ASTN2: variants seen among roughly 807,000 people sequenced by gnomAD.
The protein encoded by ASTN2 is astrotactin 2.
In ASTN2, 54 loss-of-function variants were observed where a neutral mutation model predicts 139.8. The observed-to-expected ratio is 0.39, with a 90% CI of 0.31 to 0.48. The LOEUF is 0.48. Ranked by LOEUF, ASTN2 falls within the 20% of genes least tolerant of loss-of-function variation. The pLI, the probability that ASTN2 is intolerant of heterozygous loss-of-function variation, is 0.95. For synonymous variants in ASTN2, 756 were observed against 719.5 expected, an observed-to-expected ratio of 1.05 and a Z score of -0.81; for missense variants, 1,565 against 1,725.1, an observed-to-expected ratio of 0.91 and a Z score of 1.64.
chr9:116,638,425 G>C (rs1006092197), intron 17 of ASTN2, among the ~76,000 whole-genome samples: 1 of 152,060 alleles, frequency 6.6e-6, no homozygotes, highest in Admixed American at 6.6e-5. Context: ...CTTGATGAAA[G>C]ATGTGACCAG....
At chr9:116,881,616 T>C (rs1054800758) in intron 10 of ASTN2, among the ~76,000 whole-genome samples, 1 of 152,246 alleles carries the variant, frequency 6.6e-6, no homozygotes, top group Non-Finnish European at 1.5e-5. Context: ...GTAAATTCCC[T>C]TTTACTGCAC....
intron 19 of ASTN2, among the ~76,000 whole-genome samples, chr9:116,546,937 C>T (rs969145867): frequency 3.9e-5 from 6 of 152,136 alleles, no homozygotes; most frequent in East Asian, 1.9e-4. Context: ...CCCAGCTGCC[C>T]GCAGCTTCTA....
chr9:116,981,391 G>T (rs932468772), intron 7 of ASTN2, among the ~76,000 whole-genome samples: 2 of 152,182 alleles, frequency 1.3e-5, no homozygotes, highest in Non-Finnish European at 2.9e-5. Context: ...TCCAAGATAG[G>T]TATTTGCCAA....
intron 13 of ASTN2, among the ~76,000 whole-genome samples, chr9:116,764,178 G>A (rs1014460279): frequency 6.6e-6 from 1 of 152,176 alleles, no homozygotes; most frequent in Non-Finnish European, 1.5e-5. Flanking sequence ...CCCTTCAAGC[G>A]GGGACTGGTC....
chr9:116,885,201 A>G (rs1230713110), intron 10 of ASTN2, among the ~76,000 whole-genome samples: 1 of 152,144 alleles, frequency 6.6e-6, no homozygotes, highest in African/African-American at 2.4e-5. Flanking sequence ...ATGTTCAATT[A>G]GCTAGAAGAG....
chr9:117,040,299 T>A (rs1481844310), intron 5 of ASTN2, among the ~76,000 whole-genome samples: 2 of 152,180 alleles, frequency 1.3e-5, no homozygotes. Context: ...AAGCCCTCCA[T>A]TCTCCTTAGA....
intron 20 of ASTN2, among the ~76,000 whole-genome samples, chr9:116,465,416 G>T (rs1848621474): frequency 6.6e-6 from 1 of 152,168 alleles, no homozygotes; most frequent in Admixed American, 6.6e-5. Context: ...CCTCGCCACG[G>T]CTGGACAAGC....
intron 3 of ASTN2, among the ~76,000 whole-genome samples, chr9:117,204,021 G>A (rs1254246143): frequency 3.3e-5 from 5 of 152,176 alleles, no homozygotes; most frequent in Non-Finnish European, 7.3e-5. Flanking sequence ...CAGGTCCAGG[G>A]AGATCTGAAT....
At chr9:117,300,119 T>C (rs1342392015) in intron 1 of ASTN2, among the ~76,000 whole-genome samples, 5 of 152,224 alleles carry the variant, frequency 3.3e-5, no homozygotes, top group African/African-American at 1.2e-4. Flanking sequence ...ACTTCATCCA[T>C]CAATATACCT....
At chr9:116,426,164 A>G in intron 22 of ASTN2, 76 bp from the exon 23 acceptor site, 1 of 1,559,718 alleles carries the variant, frequency 6.4e-7, no homozygotes, top group Non-Finnish European at 8.7e-7. Flanking sequence ...GTAAATGTCA[A>G]CAAACAAATG....
At chr9:117,039,988 A>G (rs1480677935) in intron 5 of ASTN2, 23 bp from the exon 6 acceptor site, 3 of 1,588,832 alleles carry the variant, frequency 1.9e-6, no homozygotes, top group Non-Finnish European at 8.6e-7. Flanking sequence ...ACATACACAA[A>G]GACACAAAAT....
chr9:116,775,742 A>G, intron 13 of ASTN2, among the ~76,000 whole-genome samples: 1 of 117,814 alleles, frequency 8.5e-6, no homozygotes, highest in Non-Finnish European at 1.7e-5. Context: ...AGGGGAAGGG[A>G]GGAAGGAAGG....
chr9:116,615,275 T>C (rs1431892723), intron 19 of ASTN2, among the ~76,000 whole-genome samples: 5 of 152,166 alleles, frequency 3.3e-5, no homozygotes, highest in African/African-American at 1.2e-4. Context: ...ACACTGTTGG[T>C]GGGAACGTAA....
intron 3 of ASTN2, among the ~76,000 whole-genome samples, chr9:117,168,608 C>T (rs778278750): frequency 2.0e-5 from 3 of 152,090 alleles, no homozygotes; most frequent in Non-Finnish European, 2.9e-5. Context: ...CACCGATTTC[C>T]AGACACATAT....
intron 19 of ASTN2, among the ~76,000 whole-genome samples, chr9:116,498,408 G>A (rs1015614680): frequency 2.0e-5 from 3 of 149,786 alleles, no homozygotes; most frequent in African/African-American, 7.5e-5. Context: ...AGCATAGCAA[G>A]ACCCCATCTC....
intron 10 of ASTN2, among the ~76,000 whole-genome samples, chr9:116,942,104 A>ACACACAC (rs1194869131): frequency 7.2e-6 from 1 of 139,852 alleles, no homozygotes; most frequent in Non-Finnish European, 1.5e-5. Context: ...ACACACACAC[A>ACACACAC]CACACACACA....
At chr9:117,138,946 T>C (rs1830012282) in intron 4 of ASTN2, among the ~76,000 whole-genome samples, 1 of 152,174 alleles carries the variant, frequency 6.6e-6, no homozygotes, top group South Asian at 2.1e-4. Context: ...AGTAGGGGCT[T>C]AGTTAAGAAA....
At chr9:116,735,186 T>G (rs1828894057) in intron 13 of ASTN2, among the ~76,000 whole-genome samples, 1 of 152,188 alleles carries the variant, frequency 6.6e-6, no homozygotes, top group African/African-American at 2.4e-5. Context: ...AGGCCCACAC[T>G]TGCCATTTAA....
intron 12 of ASTN2, among the ~76,000 whole-genome samples, chr9:116,814,858 C>T (rs1033589717): frequency 1.3e-5 from 2 of 152,124 alleles, no homozygotes; most frequent in African/African-American, 4.8e-5. Flanking sequence ...AATAGCTATC[C>T]AAACAAATGG....
Sources: gnomAD v4.1 joint callset for allele counts (sites outside exome capture counted in the v4.1 genomes callset) on GRCh38, gnomAD v4.1.1 for gene constraint, MANE v1.5 for transcripts, NCBI Gene and HGNC (gene_info 2026-07-23, HGNC 2026-07-21) for gene names.